Variants in KCNAB1 observed in about 807,000 individuals in gnomAD.
KCNAB1 encodes the protein voltage-gated potassium channel subunit beta-1.
In KCNAB1, 35 loss-of-function variants were observed where a neutral mutation model predicts 64.6. That is an observed-to-expected ratio of 0.54 (90% CI 0.41 to 0.72). KCNAB1 has a LOEUF of 0.72. Among genes scored for constraint, KCNAB1 ranks in the 30% least tolerant of loss-of-function variants. The probability of loss-of-function intolerance (pLI) is 0.00; values close to 1 mark genes in which losing one functional copy is unlikely to be tolerated. For missense variants in KCNAB1, 401 were observed against 512.9 expected, an observed-to-expected ratio of 0.78 and a Z score of 2.11; for synonymous variants, 177 against 183.8, an observed-to-expected ratio of 0.96 and a Z score of 0.30.
chr3:156,453,982 A>G (rs776453162), intron 3 of KCNAB1, among the ~76,000 whole-genome samples: 5 of 152,232 alleles, frequency 3.3e-5, no homozygotes, highest in African/African-American at 4.8e-5. Context: ...AGTTCTTACT[A>G]TCATTCCTAA....
chr3:156,258,189 T>C lies in KCNAB1; in HGVS notation c.275+137303T>C, dbSNP rs188825627. On this transcript the variant is annotated intron_variant, in intron 1 of 13. Transcript: ENST00000490337. ...TGACTTGGGAAATGGAACACTCTCA[T>C]TGATGGAGCTGGGTCACATATACAC... 1.5e-3 allele frequency among the ~76,000 whole-genome samples: 227 copies of C among 152,266 alleles called. 2 individuals carry two copies. Among genetic ancestry groups the C allele is most frequent in the Admixed American group, 0.012 (186 of 15,288 alleles).
At chr3:156,175,348 C>T (rs1393253327) in intron 1 of KCNAB1, among the ~76,000 whole-genome samples, 2 of 152,070 alleles carry the variant, frequency 1.3e-5, no homozygotes, top group African/African-American at 2.4e-5. Context: ...AGGCCGGGCA[C>T]GGTGGCTCAT....
At chr3:156,445,021 G>A (rs1717298032) in intron 2 of KCNAB1, among the ~76,000 whole-genome samples, 1 of 152,226 alleles carries the variant, frequency 6.6e-6, no homozygotes, top group Admixed American at 6.5e-5. Flanking sequence ...GGATGGGCTG[G>A]ATGCTGTGGC....
chr3:156,170,884 T>G (rs576091176), intron 1 of KCNAB1, among the ~76,000 whole-genome samples: 4 of 152,212 alleles, frequency 2.6e-5, no homozygotes, highest in African/African-American at 9.6e-5. Context: ...TCAATTCCCT[T>G]TTGCTGCACA....
At chr3:156,198,601 C>A (rs1029542891) in intron 1 of KCNAB1, among the ~76,000 whole-genome samples, 1 of 145,996 alleles carries the variant, frequency 6.8e-6, no homozygotes, top group African/African-American at 2.5e-5. Flanking sequence ...TCAGAGACTA[C>A]GATTGCAAAC....
intron 1 of KCNAB1, among the ~76,000 whole-genome samples, chr3:156,281,392 T>A (rs1719703997): frequency 6.6e-6 from 1 of 150,988 alleles, no homozygotes; most frequent in Admixed American, 6.6e-5. Context: ...GATTTTTGCA[T>A]CAATGTTCAT....
In KCNAB1 at chr3:156,345,139, C is replaced by T. The variant is rs147139161; in HGVS notation, c.276-76477C>T. On this transcript the variant is annotated intron_variant, in intron 1 of 13. Transcript: ENST00000490337. ...TTCGTAATTTCCCTTTTCCTAGTGA[C>T]AAAGGTGAAAAACTGATCTCTACAC... 8.6e-5 allele frequency among the ~76,000 whole-genome samples: 13 copies of T among 151,920 alleles called. No homozygotes were observed. The East Asian group carries it at 2.5e-3, about 29-fold the overall frequency.
chr3:156,486,512 A>T (rs996872739), intron 8 of KCNAB1, among the ~76,000 whole-genome samples: 1 of 152,098 alleles, frequency 6.6e-6, no homozygotes, highest in Non-Finnish European at 1.5e-5. Context: ...CATTACCCCC[A>T]TGACTGGGGA....
intron 2 of KCNAB1, among the ~76,000 whole-genome samples, chr3:156,448,734 T>C (rs1711772547): frequency 7.6e-6 from 1 of 131,558 alleles, no homozygotes; most frequent in Admixed American, 7.0e-5. Context: ...CTATAAGTCA[T>C]AATAAAGATG....
chr3:156,402,099 T>C (rs1713938804), intron 1 of KCNAB1, among the ~76,000 whole-genome samples: 1 of 151,482 alleles, frequency 6.6e-6, no homozygotes, highest in South Asian at 2.1e-4. Context: ...TGTATACCTA[T>C]GTAACAAACC....
At chr3:156,119,175 A>G (rs1465690701), upstream of KCNAB1, among the ~76,000 whole-genome samples, 2 of 152,228 alleles carry the variant, frequency 1.3e-5, no homozygotes, top group East Asian at 3.8e-4. Context: ...AGGGATCCTC[A>G]AAGACCTTTG....
At chr3:156,273,574 T>C (rs890351388) in intron 1 of KCNAB1, 3 of 456,538 alleles carry the variant, frequency 6.6e-6, no homozygotes, top group African/African-American at 6.0e-5. Flanking sequence ...TTCCATGCCA[T>C]GCAGCTGCTG....
At chr3:156,284,739 T>C (rs1719988219) in intron 1 of KCNAB1, among the ~76,000 whole-genome samples, 1 of 152,214 alleles carries the variant, frequency 6.6e-6, no homozygotes, top group South Asian at 2.1e-4. Context: ...TCCAGGTGCG[T>C]CCGTCACCCC....
At position 156,511,841 on chromosome 3, in the gene KCNAB1, A is replaced by G. The variant is rs2108386545; in HGVS notation, c.659-2523A>G. Among the ~76,000 whole-genome samples the G allele has an allele frequency of 1.3e-5, 2 of 152,344 alleles. 1 individual carries two copies. The highest frequency in any genetic ancestry group is 6.8e-3 in the Middle Eastern group (2 of 294). ...ATGCCTTGATTAAACCTTGAATAACATACAAATGACATGGTTTGCCCTCTG... is the reference window on the plus strand; with the variant it reads ...ATGCCTTGATTAAACCTTGAATAACGTACAAATGACATGGTTTGCCCTCTG... On this transcript the variant is annotated intron_variant, in intron 8 of 13. Coordinates refer to ENST00000490337, the MANE Select transcript of KCNAB1 (RefSeq NM_172160.3).
intron 1 of KCNAB1, among the ~76,000 whole-genome samples, chr3:156,191,263 A>G (rs1185046637): frequency 6.6e-6 from 1 of 152,250 alleles, no homozygotes; most frequent in African/African-American, 2.4e-5. Context: ...ATGGTTTTCC[A>G]GTGTCAGTAT....
chr3:156,266,043 A>G (rs1576659319), intron 1 of KCNAB1, among the ~76,000 whole-genome samples: 1 of 152,030 alleles, frequency 6.6e-6, no homozygotes, highest in Non-Finnish European at 1.5e-5. Flanking sequence ...AATATCCTAA[A>G]CTTTTCCCAA....
intron 1 of KCNAB1, among the ~76,000 whole-genome samples, chr3:156,135,497 A>G (rs750885479): frequency 1.3e-5 from 2 of 152,170 alleles, no homozygotes; most frequent in African/African-American, 2.4e-5. Context: ...CTGGATGTCT[A>G]TTACCTTATT....
At chr3:156,291,836 C>G in intron 1 of KCNAB1, 1 of 1,600,218 alleles carries the variant, frequency 6.2e-7, no homozygotes, top group South Asian at 1.1e-5. Flanking sequence ...GAAATCCCCG[C>G]AACTGCTCAA....
chr3:156,400,443 C>T (rs541391107), intron 1 of KCNAB1, among the ~76,000 whole-genome samples: 2 of 152,300 alleles, frequency 1.3e-5, no homozygotes, highest in South Asian at 4.1e-4. Flanking sequence ...CCAATCACAG[C>T]CTCCTCCAAT....
Sources: allele counts gnomAD v4.1 joint callset (sites outside exome capture counted in the v4.1 genomes callset), GRCh38; gene constraint gnomAD v4.1.1; transcripts MANE v1.5; gene names NCBI Gene and HGNC (gene_info 2026-07-23, HGNC 2026-07-21).